Variants in ARNT2 observed in about 807,000 individuals in gnomAD.
ARNT2 encodes ARNT protein 2.
In ARNT2, 36 loss-of-function variants were observed where a neutral mutation model predicts 91.7. The observed-to-expected ratio is 0.39, with a 90% CI of 0.30 to 0.52. The LOEUF (loss-of-function observed/expected upper bound fraction) is 0.52. ARNT2 is among the 20% of genes least tolerant of loss of function. The probability of loss-of-function intolerance (pLI) is 0.72; values close to 1 mark genes in which losing one functional copy is unlikely to be tolerated. For missense variants in ARNT2, 775 were observed against 939.3 expected, an observed-to-expected ratio of 0.83 and a Z score of 2.29; for synonymous variants, 365 against 347.1, an observed-to-expected ratio of 1.05 and a Z score of -0.57.
rs754632476 is a variant in ARNT2 at position 80,575,126 on chromosome 15, G to A, written c.1513+16G>A. On this transcript the variant is annotated intron_variant, in intron 14 of 18. Coordinates refer to ENST00000303329, the MANE Select transcript of ARNT2 (RefSeq NM_014862.4). ...ATTAGTGCATGTAAGTTTCCAAATG[G>A]TACTGAGGTTTTGAGAGTGTGGGTT... 2.5e-6 allele frequency: 4 copies of A among 1,612,850 alleles called. No individual in the cohort carries two copies. The highest frequency in any genetic ancestry group is 3.4e-6 in the Non-Finnish European group (4 of 1,178,954).
chr15:80,580,579 GGGT>G, intron 16 of ARNT2, 30 bp downstream of exon 16: 1 of 1,613,094 alleles, frequency 6.2e-7, no homozygotes, highest in Non-Finnish European at 8.5e-7. Flanking sequence ...CATCTCCCCT[GGGT>G]GACCAGAGAG....
intron 5 of ARNT2, among the ~76,000 whole-genome samples, chr15:80,499,664 G>C (rs538112818): frequency 6.6e-6 from 1 of 152,218 alleles, no homozygotes; most frequent in African/African-American, 2.4e-5. Flanking sequence ...GGAGGACTCT[G>C]ATTGGCCTGG....
At chr15:80,487,355 G>C (rs930357854) in intron 5 of ARNT2, among the ~76,000 whole-genome samples, 2 of 152,218 alleles carry the variant, frequency 1.3e-5, no homozygotes, top group African/African-American at 2.4e-5. Flanking sequence ...TGTTTTTGCT[G>C]AGAGCAGTGG....
chr15:80,539,216 A>T (rs190761761), intron 8 of ARNT2, among the ~76,000 whole-genome samples: 3 of 152,238 alleles, frequency 2.0e-5, no homozygotes, highest in Admixed American at 2.0e-4. Context: ...AAACCTACAA[A>T]CTATGAACCC....
At chr15:80,508,014 G>T in intron 5 of ARNT2, 142 bp from the exon 6 acceptor site, 2 of 706,288 alleles carry the variant, frequency 2.8e-6, no homozygotes, top group Non-Finnish European at 4.8e-6. Flanking sequence ...AAGAATGTTG[G>T]GAATTCCAAG....
At chr15:80,455,616 A>G (rs759863317) in intron 2 of ARNT2, among the ~76,000 whole-genome samples, 3 of 152,156 alleles carry the variant, frequency 2.0e-5, no homozygotes, top group Non-Finnish European at 4.4e-5. Flanking sequence ...TGGTGTGTCC[A>G]GGACTTTTCC....
intron 8 of ARNT2, among the ~76,000 whole-genome samples, chr15:80,531,905 C>T (rs1897746684): frequency 6.6e-6 from 1 of 152,138 alleles, no homozygotes. Context: ...ACTTCCTTTC[C>T]CTTGACCACA....
chr15:80,426,017 C>A (rs1041170678), intron 1 of ARNT2, among the ~76,000 whole-genome samples: 1 of 149,404 alleles, frequency 6.7e-6, no homozygotes, highest in African/African-American at 2.5e-5. Context: ...GCTATGGTCT[C>A]GTCACTGCAC....
At chr15:80,459,294 C>T (rs539244778) in intron 3 of ARNT2, among the ~76,000 whole-genome samples, 1 of 152,310 alleles carries the variant, frequency 6.6e-6, no homozygotes, top group East Asian at 1.9e-4. Context: ...ATAACAAAAG[C>T]ATGTATTGTT....
Position 80,442,459 on chromosome 15 carries a change from C to T in ARNT2, c.32-8421C>T, listed in dbSNP as rs1392688271. Among the ~76,000 whole-genome samples the T allele has an allele frequency of 3.9e-5, 6 of 152,226 alleles. 1 individual carries two copies. In the South Asian group the frequency reaches 1.2e-3, roughly 32 times the overall value. On this transcript the variant is annotated intron_variant, in intron 1 of 18. Transcript: ENST00000303329. ...GAACTTGTCAGAGGCAGGATTGGGT[C>T]CTTTCATCTCTGACCATCGTTCAGC... is the stretch of plus-strand genomic sequence containing the variant.
chr15:80,494,694 A>G (rs1897102260), intron 5 of ARNT2, among the ~76,000 whole-genome samples: 1 of 152,154 alleles, frequency 6.6e-6, no homozygotes, highest in Non-Finnish European at 1.5e-5. Flanking sequence ...GTGAATGCAG[A>G]AAAAGCTGTG....
chr15:80,508,234 G>A lies in ARNT2; in HGVS notation c.701G>A (p.Arg234Gln). The A allele has an allele frequency of 6.2e-7, 1 of 1,614,100 alleles. No individual in the cohort carries two copies. Among genetic ancestry groups the A allele is most frequent in the Non-Finnish European group, 8.5e-7 (1 of 1,179,970 alleles). Residue 234 changes from arginine (R) to glutamine (Q), a missense_variant, in exon 6 of 19, where the codon CGG becomes CAG. This residue lies in a region of ARNT2 where 285 missense variants were observed against 327.2 expected (regional missense o/e 0.87). Transcript: ENST00000303329. ...QSSMRMCMGS[R>Q]RSFICRMRCG... The stretch of plus-strand genomic sequence containing the variant: ...TCCATGAGGATGTGCATGGGCTCGC[G>A]GCGGTCTTTCATCTGCAGGATGAGG...
chr15:80,573,002 A>G (rs1348747517), intron 12 of ARNT2, among the ~76,000 whole-genome samples: 3 of 152,214 alleles, frequency 2.0e-5, no homozygotes, highest in Non-Finnish European at 2.9e-5. Context: ...CTTCCACTGA[A>G]TAATTTCCTT....
intron 1 of ARNT2, among the ~76,000 whole-genome samples, chr15:80,411,176 A>C (rs1043690196): frequency 6.6e-6 from 1 of 152,186 alleles, no homozygotes; most frequent in African/African-American, 2.4e-5. Flanking sequence ...TGTACCTATC[A>C]TGCATTCTTC....
At chr15:80,568,829 G>A (rs542653180) in intron 12 of ARNT2, among the ~76,000 whole-genome samples, 7 of 152,274 alleles carry the variant, frequency 4.6e-5, no homozygotes, top group East Asian at 3.9e-4. Flanking sequence ...GGCCTTTGCC[G>A]TCTCACAAGT....
chr15:80,559,179 C>T (rs1006374331), intron 11 of ARNT2, among the ~76,000 whole-genome samples: 7 of 145,760 alleles, frequency 4.8e-5, no homozygotes, highest in African/African-American at 1.5e-4. Context: ...CTGTCAGAAC[C>T]GGTTGGTTTT....
At position 80,591,547 on chromosome 15, in the gene ARNT2, C is replaced by G. The variant is rs764143940; in HGVS notation, c.1919-21C>G. ...ACGGGATGGCTTTTAAAGGAAGTGT[C>G]CTGTGTGTCGAATCTTTCAGCTGAA... On this transcript the variant is annotated intron_variant, in intron 17 of 18. Transcript: ENST00000303329. This position sits in a 1 kb window ranked among gnomAD's most constrained non-coding sequence, Gnocchi z 5.1. 1 of 1,614,028 alleles carries G rather than the reference C, an allele frequency of 6.2e-7. No homozygotes were observed. Among genetic ancestry groups the G allele is most frequent in the Non-Finnish European group, 8.5e-7 (1 of 1,179,958 alleles).
intron 1 of ARNT2, among the ~76,000 whole-genome samples, chr15:80,411,646 A>AGTGGTAGGTTCCGTGTTACAGTCCCACAG (rs1895681813): frequency 6.6e-6 from 1 of 152,230 alleles, no homozygotes; most frequent in Non-Finnish European, 1.5e-5. Context: ...GAAGAAGATT[A>AGTGGTAGGTTCCGTGTTACAGTCCCACAG]GGTCAGAATT....
Position 80,458,555 on chromosome 15 carries a change from G to C in ARNT2, c.194+579G>C, listed in dbSNP as rs147021413. On this transcript the variant is annotated intron_variant, in intron 3 of 18. Transcript: ENST00000303329. Reference sequence around the variant, plus strand: ...AGCATCTTTATCTGGGCTCTGCGGGGCCGTCCTGAGTGCAGACCACCTCAT... The same window carrying C: ...AGCATCTTTATCTGGGCTCTGCGGGCCCGTCCTGAGTGCAGACCACCTCAT... Among the ~76,000 whole-genome samples the C allele has an allele frequency of 8.3e-3, 1,259 of 152,230 alleles. 15 individuals carry two copies. The highest frequency in any genetic ancestry group is 0.028 in the African/African-American group (1,183 of 41,548).
Sources: allele counts gnomAD v4.1 joint callset (sites outside exome capture counted in the v4.1 genomes callset), GRCh38; gene constraint gnomAD v4.1.1; regional missense constraint gnomAD v4.1.1; non-coding constraint Gnocchi (gnomAD v3.1); transcripts MANE v1.5; gene names NCBI Gene and HGNC (gene_info 2026-07-23, HGNC 2026-07-21).